The following TMEM117 variants were observed in gnomAD, a reference collection of about 807,000 sequenced individuals.
The protein encoded by TMEM117 is transmembrane protein 117.
Under a neutral mutation model 52.4 loss-of-function variants are expected in TMEM117, and 27 were observed. The observed-to-expected ratio is 0.51, with a 90% CI of 0.38 to 0.71. The LOEUF (loss-of-function observed/expected upper bound fraction) is 0.71. TMEM117 is among the 30% of genes least tolerant of loss of function. TMEM117 has a pLI of 0.00. For synonymous variants in TMEM117, 215 were observed against 206.3 expected, an observed-to-expected ratio of 1.04 and a Z score of -0.36; for missense variants, 556 against 630.5, an observed-to-expected ratio of 0.88 and a Z score of 1.26.
intron 3 of TMEM117, among the ~76,000 whole-genome samples, chr12:44,074,192 C>T (rs574998305): frequency 6.6e-6 from 1 of 152,182 alleles, no homozygotes; most frequent in African/African-American, 2.4e-5. Flanking sequence ...GAAGTTATAC[C>T]AGTTGCATTA....
intron 2 of TMEM117, among the ~76,000 whole-genome samples, chr12:43,938,869 G>A (rs1319360341): frequency 2.0e-5 from 3 of 151,818 alleles, no homozygotes; most frequent in South Asian, 2.1e-4. Flanking sequence ...GCACGGTGGC[G>A]TGTGCCTGTA....
intron 4 of TMEM117, among the ~76,000 whole-genome samples, chr12:44,171,151 G>T (rs2138283459): frequency 6.6e-6 from 1 of 150,914 alleles, no homozygotes; most frequent in Middle Eastern, 3.4e-3. Flanking sequence ...AAGTAGCTGG[G>T]ACTACAGGCG....
At chr12:44,236,870 A>G (rs576811197) in intron 5 of TMEM117, among the ~76,000 whole-genome samples, 1 of 152,114 alleles carries the variant, frequency 6.6e-6, no homozygotes, top group Non-Finnish European at 1.5e-5. Flanking sequence ...CGCAAGGGCC[A>G]CTTTATTCAA....
At chr12:44,258,794 G>A (rs1475294587) in intron 5 of TMEM117, among the ~76,000 whole-genome samples, 1 of 152,002 alleles carries the variant, frequency 6.6e-6, no homozygotes, top group Non-Finnish European at 1.5e-5. Context: ...GAGACTGCTG[G>A]AACATTGAGA....
chr12:43,840,073 A>G (rs779138673), intron 1 of TMEM117, among the ~76,000 whole-genome samples: 4 of 151,894 alleles, frequency 2.6e-5, no homozygotes, highest in Non-Finnish European at 4.4e-5. Context: ...AAATAGAAGT[A>G]CTGTGATTTT....
chr12:44,132,070 G>T (rs929897351), intron 3 of TMEM117, among the ~76,000 whole-genome samples: 1 of 152,058 alleles, frequency 6.6e-6, no homozygotes, highest in African/African-American at 2.4e-5. Flanking sequence ...TCTGTGCATG[G>T]ATAGGCTTAT....
intron 3 of TMEM117, among the ~76,000 whole-genome samples, chr12:44,087,990 A>C (rs540168385): frequency 6.6e-6 from 1 of 152,210 alleles, no homozygotes; most frequent in Non-Finnish European, 1.5e-5. Context: ...CCAAACATTT[A>C]CTTTAGAAAA....
intron 5 of TMEM117, among the ~76,000 whole-genome samples, chr12:44,289,765 G>T (rs1950682393): frequency 6.6e-6 from 1 of 151,890 alleles, no homozygotes; most frequent in Non-Finnish European, 1.5e-5. Context: ...TGTTGGCCAG[G>T]ATGGTCTCAA....
At chr12:43,990,692 G>C (rs566197514) in intron 3 of TMEM117, among the ~76,000 whole-genome samples, 2 of 151,978 alleles carry the variant, frequency 1.3e-5, no homozygotes, top group Non-Finnish European at 2.9e-5. Flanking sequence ...TATTTTTTCA[G>C]TATGTCCCTG....
chr12:44,168,734 A>T (rs1159303979), intron 4 of TMEM117, among the ~76,000 whole-genome samples: 1 of 152,204 alleles, frequency 6.6e-6, no homozygotes, highest in African/African-American at 2.4e-5. Flanking sequence ...TACCATTTTA[A>T]ACATTTTTAA....
rs369373715 is a variant in TMEM117 at position 44,244,026 on chromosome 12, C to T, written c.608+32639C>T. 3.9e-5 allele frequency among the ~76,000 whole-genome samples: 6 copies of T among 151,904 alleles called. No homozygotes were observed. The East Asian group carries it at 5.8e-4, about 15-fold the overall frequency. On this transcript the variant is annotated intron_variant, in intron 5 of 7. Coordinates refer to ENST00000266534, the MANE Select transcript of TMEM117 (RefSeq NM_032256.3). ...ACATTTCCTTTATCCTTTCATCCAT[C>T]GATGGGCACTTAGGTTGATTTCATA... is the stretch of plus-strand genomic sequence containing the variant.
the TMEM117 span, among the ~76,000 whole-genome samples, chr12:43,810,050 G>A: frequency 1.3e-5 from 2 of 152,130 alleles, no homozygotes; most frequent in African/African-American, 4.8e-5. Context: ...TAAATGATAC[G>A]TACTTTCCAA....
chr12:44,035,011 G>T (rs983397859), intron 3 of TMEM117, among the ~76,000 whole-genome samples: 1 of 152,162 alleles, frequency 6.6e-6, no homozygotes. Flanking sequence ...ATCTTCTCTG[G>T]TCCTCAAACT....
chr12:43,888,543 C>CT (rs147186370), intron 2 of TMEM117, among the ~76,000 whole-genome samples: 4,050 of 92,042 alleles, frequency 0.044, 148 homozygotes, highest in African/African-American at 0.052. Flanking sequence ...CATTAGTTTT[C>CT]TTTTTTTTTT....
At chr12:44,062,635 G>T (rs1301457002) in intron 3 of TMEM117, among the ~76,000 whole-genome samples, 1 of 152,202 alleles carries the variant, frequency 6.6e-6, no homozygotes, top group Non-Finnish European at 1.5e-5. Context: ...TCCCACTGAG[G>T]AGATACACCT....
At chr12:44,076,402 A>G (rs1217598822) in intron 3 of TMEM117, among the ~76,000 whole-genome samples, 1 of 152,236 alleles carries the variant, frequency 6.6e-6, no homozygotes, top group Non-Finnish European at 1.5e-5. Flanking sequence ...AGCAAATCAT[A>G]CTTGAACACC....
At chr12:44,398,500 T>C in the TMEM117 span, among the ~76,000 whole-genome samples, 1 of 152,202 alleles carries the variant, frequency 6.6e-6, no homozygotes, top group Non-Finnish European at 1.5e-5. Flanking sequence ...TCTCGGGTTT[T>C]GGGCAGGGTA....
intron 2 of TMEM117, among the ~76,000 whole-genome samples, chr12:43,863,988 C>A (rs939990806): frequency 1.3e-5 from 2 of 152,194 alleles, no homozygotes; most frequent in African/African-American, 4.8e-5. Flanking sequence ...GCCCCACACT[C>A]GGAGCTGCCG....
chr12:43,987,261 C>A (rs1292683502), intron 3 of TMEM117, among the ~76,000 whole-genome samples: 1 of 152,148 alleles, frequency 6.6e-6, no homozygotes, highest in Non-Finnish European at 1.5e-5. Flanking sequence ...CCTGCCAACA[C>A]CTTGATCTCA....
Sources: gnomAD v4.1 joint callset for allele counts (sites outside exome capture counted in the v4.1 genomes callset) on GRCh38, gnomAD v4.1.1 for gene constraint, MANE v1.5 for transcripts, NCBI Gene and HGNC (gene_info 2026-07-23, HGNC 2026-07-21) for gene names.